STOML3: variants seen among roughly 807,000 people sequenced by gnomAD.
STOML3 encodes the protein stomatin-like protein 3.
In STOML3, 31 loss-of-function variants were observed where a neutral mutation model predicts 29.5. That is an observed-to-expected ratio of 1.05 (90% confidence interval 0.79 to 1.42). The LOEUF (loss-of-function observed/expected upper bound fraction) is 1.42. Among genes scored for constraint, STOML3 ranks in the 40% most tolerant of loss-of-function variants. STOML3 has a pLI of 0.00. For missense variants in STOML3, 380 were observed against 363.0 expected, an observed-to-expected ratio of 1.05 and a Z score of -0.38; for synonymous variants, 122 against 139.8, an observed-to-expected ratio of 0.87 and a Z score of 0.90.
intron 1 of STOML3, among the ~76,000 whole-genome samples, chr13:38,985,396 C>A (rs1448511987): frequency 1.3e-5 from 2 of 151,970 alleles, no homozygotes; most frequent in Admixed American, 6.6e-5. Context: ...GCATTCCAGC[C>A]TGGGAAACAG....
chr13:38,968,335 TC>T, intron 6 of STOML3, 64 bp downstream of exon 6: 1 of 1,583,416 alleles, frequency 6.3e-7, no homozygotes, highest in Admixed American at 1.7e-5. Flanking sequence ...TCTGTTCAAG[TC>T]CTATCCTTGT....
chr13:38,979,567 T>G (rs991577044), intron 1 of STOML3, among the ~76,000 whole-genome samples: 48 of 152,318 alleles, frequency 3.2e-4, no homozygotes, highest in African/African-American at 1.1e-3. Context: ...CTTTCTACTT[T>G]AACTTAATAT....
In STOML3 at chr13:38,970,305, A is replaced by T; in HGVS notation, c.396T>A (p.Asn132Lys). ...ATGTTGCTTGATGGACATCGTTGAC[A>T]TTAGCCACTGCTGAGACAGCACTAT... ...RIYSAVSAVA[N>K]VNDVHQATFL... The change falls in exon 5 of 7, where the codon AAT becomes AAA. Residue 132 changes from asparagine to lysine, a missense_variant. Coordinates refer to ENST00000379631, the MANE Select transcript of STOML3 (RefSeq NM_145286.3). 1 of 1,614,186 alleles carries T rather than the reference A, an allele frequency of 6.2e-7. No homozygotes were observed. Among genetic ancestry groups the T allele is most frequent in the East Asian group, 2.2e-5 (1 of 44,878 alleles).
intron 1 of STOML3, among the ~76,000 whole-genome samples, chr13:38,984,094 A>T (rs1272713005): frequency 6.6e-6 from 1 of 151,940 alleles, no homozygotes; most frequent in African/African-American, 2.4e-5. Context: ...CAAGGCTGCC[A>T]CTCAGAGCCC....
rs1376689850 is a variant in STOML3, at chr13:38,988,581, T to C, written c.52+2089A>G. 6.4e-4 allele frequency among the ~76,000 whole-genome samples: 71 copies of C among 111,676 alleles called. 4 individuals carry two copies. The East Asian group carries it at 0.017, about 27-fold the overall frequency. The allele number at this position is 111,676 out of a possible 152,430, so 73.3% of individuals were successfully genotyped here. On this transcript the variant is annotated intron_variant, in intron 1 of 6. Coordinates refer to ENST00000379631, the MANE Select transcript of STOML3 (RefSeq NM_145286.3). ...TATATATAATATATTTTATATCATA[T>C]ATTTTATATATAATATATTATATAT...
intron 4 of STOML3, among the ~76,000 whole-genome samples, chr13:38,971,551 A>C (rs1263069730): frequency 6.6e-6 from 1 of 152,188 alleles, no homozygotes; most frequent in Non-Finnish European, 1.5e-5. Flanking sequence ...GGGTGATATG[A>C]TAATTGGTAA....
chr13:38,971,187 C>T (rs1010184756), intron 4 of STOML3, among the ~76,000 whole-genome samples: 12 of 152,116 alleles, frequency 7.9e-5, no homozygotes, highest in African/African-American at 2.9e-4. Flanking sequence ...TGCATGCCAC[C>T]ATGCCCAGCT....
chr13:38,983,087 A>T (rs1004188626), intron 1 of STOML3, among the ~76,000 whole-genome samples: 2 of 152,184 alleles, frequency 1.3e-5, no homozygotes, highest in Non-Finnish European at 2.9e-5. Context: ...TTTCCTCTTT[A>T]AATTCAGTGC....
At position 38,966,824 on chromosome 13, in the gene STOML3, C is replaced by T; in HGVS notation, c.*1G>A. Reference sequence around the variant, plus strand: ...CAATAGCTGACTACCGCAAGAGGACCTCAGGCTTTATTTGGAAGCTTCTTG... The same window carrying T: ...CAATAGCTGACTACCGCAAGAGGACTTCAGGCTTTATTTGGAAGCTTCTTG... On this transcript the variant is annotated 3_prime_UTR_variant, in exon 7 of 7. Transcript: ENST00000379631. The T allele has an allele frequency of 1.2e-6, 2 of 1,612,670 alleles. No homozygotes were observed. Among genetic ancestry groups the T allele is most frequent in the Non-Finnish European group, 1.7e-6 (2 of 1,179,774 alleles).
rs1230890333 is a variant in STOML3 at position 38,972,516 on chromosome 13, T to C, written c.308A>G (p.Gln103Arg). ...CATATCCTTAATCAGTACTACCTCTTGTGGAGGAATGTTGCAAGTAACTGT... is the reference window on the plus strand; with the variant it reads ...CATATCCTTAATCAGTACTACCTCTCGTGGAGGAATGTTGCAAGTAACTGT... ...LRTVTCNIPP[Q>R]EILTRDSVTT... The change falls in exon 4 of 7, where the codon CAA (glutamine) becomes CGA (arginine). Residue 103 changes from glutamine (Q) to arginine (R), a missense_variant. Coordinates refer to ENST00000379631, the MANE Select transcript of STOML3 (RefSeq NM_145286.3). 4 of 1,613,742 alleles carry C rather than the reference T, an allele frequency of 2.5e-6. No homozygotes were observed. The highest frequency in any genetic ancestry group is 3.3e-5 in the Admixed American group (2 of 60,012).
chr13:38,988,699 A>G (rs1310613553), intron 1 of STOML3, among the ~76,000 whole-genome samples: 1 of 138,106 alleles, frequency 7.2e-6, no homozygotes. Context: ...CAAACACATC[A>G]TTAAAAAGGT....
Position 38,972,517 on chromosome 13 carries a change from G to C in STOML3, c.307C>G (p.Gln103Glu). ...LRTVTCNIPPQEILTRDSVTT... is the reference protein window; with the variant it reads ...LRTVTCNIPPEEILTRDSVTT... ...ATATCCTTAATCAGTACTACCTCTT[G>C]TGGAGGAATGTTGCAAGTAACTGTT... The change falls in exon 4 of 7, where the codon CAA becomes GAA. Residue 103 changes from glutamine to glutamate, a missense_variant. Transcript: ENST00000379631. 2 of 1,613,660 alleles carry C rather than the reference G, an allele frequency of 1.2e-6. No homozygotes were observed. The highest frequency in any genetic ancestry group is 1.1e-5 in the South Asian group (1 of 91,062).
intron 4 of STOML3, among the ~76,000 whole-genome samples, chr13:38,971,191 C>T (rs1208270035): frequency 2.0e-5 from 3 of 152,056 alleles, no homozygotes; most frequent in Non-Finnish European, 2.9e-5. Context: ...TGCCACCATG[C>T]CCAGCTAATT....
chr13:38,975,077 C>G (rs1881020143), intron 3 of STOML3, among the ~76,000 whole-genome samples: 1 of 152,008 alleles, frequency 6.6e-6, no homozygotes, highest in South Asian at 2.1e-4. Context: ...TGCTTGTAAT[C>G]CCAGCACTTT....
intron 1 of STOML3, chr13:38,980,224 A>C: frequency 7.8e-7 from 1 of 1,276,908 alleles, no homozygotes; most frequent in Admixed American, 2.1e-5. Flanking sequence ...TTCTGGGAGA[A>C]TTGGTGGAGC....
chr13:38,979,969 A>G (rs113736717), intron 1 of STOML3: 81 of 1,396,634 alleles, frequency 5.8e-5, no homozygotes, highest in Non-Finnish European at 7.7e-5. Flanking sequence ...GCCTGGAGCC[A>G]AGCCCTGGAC....
chr13:38,986,821 T>C (rs1868589811), intron 1 of STOML3, among the ~76,000 whole-genome samples: 1 of 152,024 alleles, frequency 6.6e-6, no homozygotes, highest in East Asian at 1.9e-4. Flanking sequence ...CAGGAGCTGG[T>C]TTGGATGCAA....
Position 38,970,408 on chromosome 13 carries a change from C to G in STOML3, c.313-20G>C, listed in dbSNP as rs1566203603. 1 of 1,602,244 alleles carries G rather than the reference C, an allele frequency of 6.2e-7. No individual in the cohort carries two copies. Among genetic ancestry groups the G allele is most frequent in the Admixed American group, 1.7e-5 (1 of 59,898 alleles). On this transcript the variant is annotated intron_variant, in intron 4 of 6. Coordinates refer to ENST00000379631, the MANE Select transcript of STOML3 (RefSeq NM_145286.3). The stretch of plus-strand genomic sequence containing the variant: ...GAGGATCTGTGGAGTAAGAACAGGG[C>G]AAAATCACTTATTTATGACTTTCAC...
At chr13:38,975,803 G>C (rs184514735) in intron 3 of STOML3, among the ~76,000 whole-genome samples, 8 of 151,350 alleles carry the variant, frequency 5.3e-5, no homozygotes, top group African/African-American at 1.5e-4. Flanking sequence ...CCCAACCCCG[G>C]GCAAAAACAA....
Sources: allele counts gnomAD v4.1 joint callset (sites outside exome capture counted in the v4.1 genomes callset), GRCh38; gene constraint gnomAD v4.1.1; transcripts MANE v1.5; gene names NCBI Gene and HGNC (gene_info 2026-07-23, HGNC 2026-07-21).